The following PTPRT variants were observed in gnomAD, a reference collection of about 807,000 sequenced individuals.
PTPRT encodes the protein protein tyrosine phosphatase receptor type T, also known as receptor-type tyrosine-protein phosphatase T.
Under a neutral mutation model 176.8 loss-of-function variants are expected in PTPRT, and 56 were observed. The ratio of observed to expected loss-of-function variants is 0.32; its 90% CI spans 0.26 to 0.40. The LOEUF is 0.40. Among genes scored for constraint, PTPRT ranks in the 10% least tolerant of loss-of-function variants. PTPRT has a pLI of 1.00. For synonymous variants in PTPRT, 783 were observed against 739.0 expected, an observed-to-expected ratio of 1.06 and a Z score of -0.96; for missense variants, 1,540 against 1,908.2, an observed-to-expected ratio of 0.81 and a Z score of 3.60.
chr20:43,125,699 A>G (rs2013412551), intron 1 of PTPRT, among the ~76,000 whole-genome samples: 1 of 152,218 alleles, frequency 6.6e-6, no homozygotes, highest in Non-Finnish European at 1.5e-5. Flanking sequence ...CTGGCCAACT[A>G]TAAGAGAATG....
chr20:42,145,438 T>TGCACCCAG (rs1988817260), intron 17 of PTPRT, among the ~76,000 whole-genome samples: 1 of 152,036 alleles, frequency 6.6e-6, no homozygotes, highest in Non-Finnish European at 1.5e-5. Flanking sequence ...AGGTGGAGGT[T>TGCACCCAG]GCAGTGAGCC....
At chr20:42,184,496 CCCCCT>C (rs1990646419) in intron 16 of PTPRT, among the ~76,000 whole-genome samples, 1 of 128,694 alleles carries the variant, frequency 7.8e-6, no homozygotes, top group East Asian at 2.6e-4. Flanking sequence ...CTCCTTCCTC[CCCCCT>C]TCCTCCTCCT....
intron 7 of PTPRT, among the ~76,000 whole-genome samples, chr20:42,520,141 T>A (rs1189702089): frequency 6.6e-6 from 1 of 152,172 alleles, no homozygotes; most frequent in Non-Finnish European, 1.5e-5. Flanking sequence ...ACTTTTTTAC[T>A]TCCTGTCTTT....
At chr20:43,084,619 G>A (rs2011555663) in intron 1 of PTPRT, among the ~76,000 whole-genome samples, 1 of 152,128 alleles carries the variant, frequency 6.6e-6, no homozygotes, top group Non-Finnish European at 1.5e-5. Context: ...GGGACACAGA[G>A]CCAAACCATA....
At chr20:43,163,665 C>T (rs1054600928) in intron 1 of PTPRT, among the ~76,000 whole-genome samples, 4 of 149,842 alleles carry the variant, frequency 2.7e-5, no homozygotes, top group Non-Finnish European at 5.9e-5. Flanking sequence ...AAAAAAAAAA[C>T]AGGCTGTATG....
chr20:43,069,076 T>C (rs2011148720), intron 1 of PTPRT, among the ~76,000 whole-genome samples: 1 of 152,176 alleles, frequency 6.6e-6, no homozygotes. Flanking sequence ...ATTCCAAAGA[T>C]GTGAGCTCTG....
intron 15 of PTPRT, among the ~76,000 whole-genome samples, chr20:42,211,918 C>A (rs1489338181): frequency 6.6e-6 from 1 of 150,826 alleles, no homozygotes; most frequent in African/African-American, 2.5e-5. Context: ...CAATGATAGA[C>A]TGGATTAAGA....
chr20:42,360,759 A>C (rs1470140190), intron 9 of PTPRT, among the ~76,000 whole-genome samples: 1 of 152,190 alleles, frequency 6.6e-6, no homozygotes, highest in Non-Finnish European at 1.5e-5. Flanking sequence ...TGGAGATGCA[A>C]GAAGTTAAAT....
the PTPRT span, among the ~76,000 whole-genome samples, chr20:42,047,909 C>T: frequency 6.6e-6 from 1 of 152,212 alleles, no homozygotes; most frequent in Non-Finnish European, 1.5e-5. Context: ...TCTCCCAATG[C>T]AGACATCTGG....
chr20:42,410,795 G>A (rs1292131011), intron 9 of PTPRT, among the ~76,000 whole-genome samples: 1 of 152,146 alleles, frequency 6.6e-6, no homozygotes, highest in Non-Finnish European at 1.5e-5. Flanking sequence ...CCCAATATTT[G>A]TAAATTATAC....
At chr20:42,143,327 G>A (rs1988713338) in intron 17 of PTPRT, among the ~76,000 whole-genome samples, 1 of 152,046 alleles carries the variant, frequency 6.6e-6, no homozygotes, top group African/African-American at 2.4e-5. Flanking sequence ...AGGCCTAGGT[G>A]AGTGGATCAC....
At chr20:42,935,147 ATTTTTTTTTTTTTTTTTT>A (rs57178522) in intron 1 of PTPRT, among the ~76,000 whole-genome samples, 3 of 42,156 alleles carry the variant, frequency 7.1e-5, no homozygotes, top group South Asian at 1.2e-3. Flanking sequence ...TTTTGCCATA[ATTTTTTTTTTTTTTTTTT>A]TTTTTTTTTT....
chr20:43,026,742 C>G (rs1474433697), intron 1 of PTPRT, among the ~76,000 whole-genome samples: 1 of 152,178 alleles, frequency 6.6e-6, no homozygotes, highest in Non-Finnish European at 1.5e-5. Context: ...ACCCTCACTT[C>G]CCTTCCCAGC....
At chr20:42,393,797 C>A (rs371979244) in intron 9 of PTPRT, among the ~76,000 whole-genome samples, 1 of 152,106 alleles carries the variant, frequency 6.6e-6, no homozygotes, top group African/African-American at 2.4e-5. Flanking sequence ...TTTTAGTGTG[C>A]AATTTTACAT....
chr20:42,171,575 T>C (rs930008698), intron 16 of PTPRT, among the ~76,000 whole-genome samples: 10 of 152,152 alleles, frequency 6.6e-5, no homozygotes, highest in African/African-American at 2.4e-4. Flanking sequence ...GTGTATGTAC[T>C]GTACAGGGTA....
At chr20:42,067,786 G>A (rs970004756), downstream of PTPRT, among the ~76,000 whole-genome samples, 1 of 152,162 alleles carries the variant, frequency 6.6e-6, no homozygotes, top group African/African-American at 2.4e-5. Flanking sequence ...CTCTATGGGT[G>A]TTGGCAGAAT....
Position 42,074,248 on chromosome 20 carries a change from G to T in PTPRT, c.*6631C>A, listed in dbSNP as rs891582806. 2 of 228,318 alleles carry T rather than the reference G, an allele frequency of 8.8e-6. No homozygotes were observed. The highest frequency in any genetic ancestry group is 1.7e-5 in the Non-Finnish European group (2 of 114,980). 14.1% of individuals were successfully genotyped at this position (228,318 alleles called of 1,614,324 possible). A position where few individuals can be genotyped will look rare whatever the true frequency, so the allele number is the denominator to read the frequency against. ...GGGACAGGGTGGACACTGAGAGTTT[G>T]TTGGACCATCATAGAGAAGGCCCAC... On this transcript the variant is annotated 3_prime_UTR_variant, in exon 31 of 31. Transcript: ENST00000373187.
At chr20:42,434,435 A>G (rs915342907) in intron 9 of PTPRT, among the ~76,000 whole-genome samples, 1 of 152,148 alleles carries the variant, frequency 6.6e-6, no homozygotes, top group Non-Finnish European at 1.5e-5. Context: ...ACAAGTTTAT[A>G]CTTTAGCAAA....
intron 9 of PTPRT, among the ~76,000 whole-genome samples, chr20:42,357,527 T>C (rs1011066295): frequency 4.6e-5 from 7 of 152,192 alleles, no homozygotes; most frequent in African/African-American, 1.7e-4. Context: ...TAGTTTCCAT[T>C]TTATGTTGCA....
Sources: allele counts gnomAD v4.1 joint callset (sites outside exome capture counted in the v4.1 genomes callset), GRCh38; gene constraint gnomAD v4.1.1; transcripts MANE v1.5; gene names NCBI Gene and HGNC (gene_info 2026-07-23, HGNC 2026-07-21).